The following ZC3H3 variants were observed in gnomAD, a reference collection of about 807,000 sequenced individuals.
ZC3H3 encodes zinc finger CCCH-type containing 3.
ZC3H3 carries 36 observed loss-of-function variants against 77.3 expected under a neutral mutation model. That is an observed-to-expected ratio of 0.47 (90% CI 0.36 to 0.61). ZC3H3 has a LOEUF of 0.61. ZC3H3 is among the 20% of genes least tolerant of loss of function. The pLI, the probability that ZC3H3 is intolerant of heterozygous loss-of-function variation, is 0.00. For synonymous variants in ZC3H3, 626 were observed against 555.2 expected (o/e 1.13, Z -1.79); for missense variants, 1,331 against 1,312.2 (o/e 1.01, Z -0.22).
At chr8:143,488,938 C>T (rs750076557) in intron 4 of ZC3H3, among the ~76,000 whole-genome samples, 6 of 152,236 alleles carry the variant, frequency 3.9e-5, no homozygotes, top group Admixed American at 6.5e-5. Context: ...TGGCACCCTC[C>T]TCAGATCCGC....
chr8:143,459,120 T>C (rs936138698), intron 9 of ZC3H3, among the ~76,000 whole-genome samples: 7 of 152,214 alleles, frequency 4.6e-5, no homozygotes, highest in Non-Finnish European at 7.3e-5. Flanking sequence ...CATTTCCTAA[T>C]TCACTCTGTG....
At chr8:143,484,147 T>A (rs1820983915) in intron 4 of ZC3H3, among the ~76,000 whole-genome samples, 1 of 152,210 alleles carries the variant, frequency 6.6e-6, no homozygotes. Context: ...CAGCTGAGGC[T>A]GAGCACGGCT....
At chr8:143,467,346 G>A (rs1820437884) in intron 8 of ZC3H3, among the ~76,000 whole-genome samples, 1 of 152,182 alleles carries the variant, frequency 6.6e-6, no homozygotes, top group African/African-American at 2.4e-5. Context: ...CATTAATTCA[G>A]GGCACTGGTG....
At position 143,438,045 on chromosome 8, in the gene ZC3H3, C is replaced by T; in HGVS notation, c.*11G>A. 6.2e-7 allele frequency: 1 copy of T among 1,610,154 alleles called. No individual in the cohort carries two copies. The highest frequency in any genetic ancestry group is 8.5e-7 in the Non-Finnish European group (1 of 1,178,536). On this transcript the variant is annotated 3_prime_UTR_variant, in exon 12 of 12. Coordinates refer to ENST00000262577, the MANE Select transcript of ZC3H3 (RefSeq NM_015117.3). Reference sequence around the variant, plus strand: ...GGGTCTGAGGTAGGTGCAGGCCGGTCCCTGGGGTCCTCACAGACGTGGTTT... The same window carrying T: ...GGGTCTGAGGTAGGTGCAGGCCGGTTCCTGGGGTCCTCACAGACGTGGTTT...
intron 4 of ZC3H3, among the ~76,000 whole-genome samples, chr8:143,478,370 G>A (rs567171293): frequency 1.3e-4 from 20 of 152,332 alleles, no homozygotes; most frequent in Admixed American, 4.6e-4. Context: ...GGGCCCGTGG[G>A]GCAGAGGCAT....
chr8:143,479,429 G>A (rs1820846146), intron 4 of ZC3H3, among the ~76,000 whole-genome samples: 1 of 152,190 alleles, frequency 6.6e-6, no homozygotes, highest in African/African-American at 2.4e-5. Context: ...TGCCCTCACG[G>A]AAGGCTCTGT....
chr8:143,442,674 C>A (rs1286774607), intron 9 of ZC3H3, among the ~76,000 whole-genome samples: 1 of 152,216 alleles, frequency 6.6e-6, no homozygotes, highest in Non-Finnish European at 1.5e-5. Flanking sequence ...CCAGAGGGCA[C>A]CTGCCACACA....
At chr8:143,498,043 C>T (rs973074838) in intron 4 of ZC3H3, among the ~76,000 whole-genome samples, 1 of 152,256 alleles carries the variant, frequency 6.6e-6, no homozygotes, top group African/African-American at 2.4e-5. Flanking sequence ...GCCCTCAACA[C>T]ACACCGGGTG....
chr8:143,516,436 C>A lies in ZC3H3; in HGVS notation c.1562-8537G>T, dbSNP rs569337259. 2.0e-5 allele frequency among the ~76,000 whole-genome samples: 3 copies of A among 152,180 alleles called. No homozygotes were observed. The East Asian group carries it at 5.8e-4, about 30-fold the overall frequency. On this transcript the variant is annotated intron_variant, in intron 3 of 11. Transcript: ENST00000262577. ...AGGGTGGAGAGCAGAGACCTGCTCG[C>A]TGCCCCCATTAGGCCCTCCCTGCCA...
At position 143,528,681 on chromosome 8, in the gene ZC3H3, T is replaced by A. The variant is rs980831603; in HGVS notation, c.1561+7576A>T. 2.6e-5 allele frequency among the ~76,000 whole-genome samples: 4 copies of A among 152,214 alleles called. No homozygotes were observed. In the South Asian group the frequency reaches 6.2e-4, roughly 24 times the overall value. On this transcript the variant is annotated intron_variant, in intron 3 of 11. Transcript: ENST00000262577. ...CAGCGTCAGGGCAGGGAGCCCTGTG[T>A]GGCTTTTCCTCCTGGTGGGCAGCCC...
intron 3 of ZC3H3, among the ~76,000 whole-genome samples, chr8:143,513,874 G>C (rs1427894300): frequency 6.6e-6 from 1 of 152,222 alleles, no homozygotes; most frequent in Non-Finnish European, 1.5e-5. Flanking sequence ...GGTGGGGGTG[G>C]ACAGGGTGGC....
At chr8:143,509,692 G>A (rs1821813195) in intron 3 of ZC3H3, among the ~76,000 whole-genome samples, 2 of 152,210 alleles carry the variant, frequency 1.3e-5, no homozygotes, top group East Asian at 1.9e-4. Context: ...GTACAGTCCT[G>A]CTCAGAGGCC....
rs757230458 is a variant in ZC3H3, at chr8:143,468,375, A to T, written c.2105+7T>A. On this transcript the variant is annotated splice_region_variant and intron_variant, in intron 7 of 11. Transcript: ENST00000262577. The stretch of plus-strand genomic sequence containing the variant: ...CCCCCAGGCCCACAGCGAGGGCAGG[A>T]GGGCACCTGGTGCACACGGCCACCT... 1 of 1,612,572 alleles carries T rather than the reference A, an allele frequency of 6.2e-7. No homozygotes were observed. Among genetic ancestry groups the T allele is most frequent in the South Asian group, 1.1e-5 (1 of 90,954 alleles).
intron 3 of ZC3H3, among the ~76,000 whole-genome samples, chr8:143,515,934 G>A (rs909074821): frequency 6.6e-6 from 1 of 152,234 alleles, no homozygotes; most frequent in Non-Finnish European, 1.5e-5. Flanking sequence ...CAGCCCCAGG[G>A]GTTACCCACA....
chr8:143,508,026 C>A lies in ZC3H3; in HGVS notation c.1562-127G>T, dbSNP rs575684033. 5.2e-6 allele frequency: 6 copies of A among 1,152,038 alleles called. No individual in the cohort carries two copies. The Admixed American group carries it at 8.6e-5, about 17-fold the overall frequency. The allele number at this position is 1,152,038 out of a possible 1,614,324, so 71.4% of individuals were successfully genotyped here. A position where few individuals can be genotyped will look rare whatever the true frequency, so the allele number is the denominator to read the frequency against. ...GGAGCTTGAAGACCCTCCATCGCCC[C>A]GTGGATAAAACCCTCAACCCATGTG... On this transcript the variant is annotated intron_variant, in intron 3 of 11. Coordinates refer to ENST00000262577, the MANE Select transcript of ZC3H3 (RefSeq NM_015117.3).
At chr8:143,438,914 C>T (rs975363980) in intron 11 of ZC3H3, among the ~76,000 whole-genome samples, 5 of 152,190 alleles carry the variant, frequency 3.3e-5, no homozygotes, top group African/African-American at 9.7e-5. Flanking sequence ...CTGCGGTGGC[C>T]GCTCCAGCAG....
chr8:143,453,255 TTTG>T (rs1270567803), intron 9 of ZC3H3, among the ~76,000 whole-genome samples: 3 of 21,448 alleles, frequency 1.4e-4, no homozygotes, highest in African/African-American at 6.3e-4. Flanking sequence ...TTTTTGTTTT[TTTG>T]TTTTTTTTTT....
chr8:143,507,746 C>T lies in ZC3H3; in HGVS notation c.1715G>A (p.Arg572Lys), dbSNP rs1166203278. 2 of 1,569,694 alleles carry T rather than the reference C, an allele frequency of 1.3e-6. No homozygotes were observed. The highest frequency in any genetic ancestry group is 1.7e-5 in the Admixed American group (1 of 58,366). ...SWRARRLSLS[R>K]SLVLNRLRPV... is the part of the protein sequence containing the mutation. ...AGGAGCCTGCAGGAAGCCTTCCTAC[C>T]TGGATAGTGAGAGCCGCCGGGCCCG... Residue 572 changes from arginine (R) to lysine (K), a missense_variant and splice_region_variant, in exon 4 of 12, where the codon AGG becomes AAG. Physicochemically the swap from Arg to Lys is conservative, Grantham distance 26 (BLOSUM62 2). Coordinates refer to ENST00000262577, the MANE Select transcript of ZC3H3 (RefSeq NM_015117.3).
In ZC3H3 at chr8:143,517,273, C is replaced by T. The variant is rs530545197; in HGVS notation, c.1562-9374G>A. 9.8e-5 allele frequency among the ~76,000 whole-genome samples: 15 copies of T among 152,350 alleles called. No homozygotes were observed. In the East Asian group the frequency reaches 1.4e-3, roughly 14 times the overall value. The stretch of plus-strand genomic sequence containing the variant: ...GTGGGGCTTCCTCCCCTCTTCCCCA[C>T]GGCTCTACCCAGCCTCAGGTGCAGG... On this transcript the variant is annotated intron_variant, in intron 3 of 11. Transcript: ENST00000262577.
Sources: allele counts gnomAD v4.1 joint callset (sites outside exome capture counted in the v4.1 genomes callset), GRCh38; gene constraint gnomAD v4.1.1; transcripts MANE v1.5; gene names NCBI Gene and HGNC (gene_info 2026-07-23, HGNC 2026-07-21).